Variants in PPP1R8 observed in about 807,000 individuals in gnomAD.
PPP1R8 encodes nuclear inhibitor of protein phosphatase 1.
A neutral mutation model predicts 31.3 loss-of-function variants in PPP1R8; 4 were observed. That is an observed-to-expected ratio of 0.13 (90% CI 0.06 to 0.29). The LOEUF is 0.29. Among genes scored for constraint, PPP1R8 ranks in the 10% least tolerant of loss-of-function variants. The probability of loss-of-function intolerance (pLI) is 1.00; values close to 1 mark genes in which losing one functional copy is unlikely to be tolerated. For synonymous variants in PPP1R8, 170 were observed against 169.7 expected (o/e 1.00, Z -0.01); for missense variants, 254 against 440.1 (o/e 0.58, Z 3.78).
intron 6 of PPP1R8, among the ~76,000 whole-genome samples, chr1:27,849,452 A>G (rs2089318805): frequency 6.6e-6 from 1 of 151,418 alleles, no homozygotes; most frequent in African/African-American, 2.4e-5. Context: ...TAAAATATCT[A>G]TTGCCATCTT....
At position 27,845,850 on chromosome 1, in the gene PPP1R8, C is replaced by T. The variant is rs1389143790; in HGVS notation, c.638-1178C>T. Among the ~76,000 whole-genome samples, 3 of 129,952 alleles carry T rather than the reference C, an allele frequency of 2.3e-5. No individual in the cohort carries two copies. The East Asian group carries it at 7.5e-4, about 32-fold the overall frequency. The allele number at this position is 129,952 out of a possible 152,430, so 85.3% of individuals were successfully genotyped here. On this transcript the variant is annotated intron_variant, in intron 5 of 6. Transcript: ENST00000311772. ...TGTCGCCCAGGCTGGAGTGCAGTGG[C>T]GTGATCTCGGCTCACTGCAAGCTCC...
intron 4 of PPP1R8, among the ~76,000 whole-genome samples, chr1:27,842,754 A>T: frequency 6.6e-6 from 1 of 152,206 alleles, no homozygotes; most frequent in East Asian, 1.9e-4. Context: ...GGAAGCAGCC[A>T]GTTGTCCTTT....
At chr1:27,836,738 A>C (rs1214941424) in intron 2 of PPP1R8, among the ~76,000 whole-genome samples, 2 of 152,114 alleles carry the variant, frequency 1.3e-5, no homozygotes, top group Non-Finnish European at 2.9e-5. Context: ...TTATAAAGCT[A>C]AATTTAGCTC....
chr1:27,844,158 A>G (rs2089250054), intron 5 of PPP1R8, among the ~76,000 whole-genome samples: 1 of 151,902 alleles, frequency 6.6e-6, no homozygotes, highest in African/African-American at 2.4e-5. Flanking sequence ...GCACGTCACC[A>G]CGCTCAGCTA....
chr1:27,836,645 C>G (rs1046339045), intron 2 of PPP1R8, among the ~76,000 whole-genome samples: 8 of 152,128 alleles, frequency 5.3e-5, no homozygotes, highest in Non-Finnish European at 1.0e-4. Context: ...GTTTTGATCT[C>G]CTGACCTTGT....
chr1:27,837,610 C>T (rs1045087020), intron 2 of PPP1R8, among the ~76,000 whole-genome samples: 17 of 150,080 alleles, frequency 1.1e-4, no homozygotes, highest in Non-Finnish European at 2.5e-4. Flanking sequence ...GAAACCCCTA[C>T]TAAAAATACA....
In PPP1R8 at chr1:27,851,291, C is replaced by CT. The variant is rs1557434745; in HGVS notation, c.*846dup. On this transcript the variant is annotated 3_prime_UTR_variant, in exon 7 of 7. Coordinates refer to ENST00000311772, the MANE Select transcript of PPP1R8 (RefSeq NM_014110.5). ...ATTTGTTTGGAAGTAACTGGTGTCT[C>CT]TAAGAGGAATTTTTAGATGTCAGTT... 1 of 319,902 alleles carries CT rather than the reference C, an allele frequency of 3.1e-6. No homozygotes were observed. The highest frequency in any genetic ancestry group is 6.2e-6 in the Non-Finnish European group (1 of 160,684). 19.8% of individuals were successfully genotyped at this position (319,902 alleles called of 1,614,324 possible).
chr1:27,833,798 G>T (rs2089135381), intron 2 of PPP1R8, among the ~76,000 whole-genome samples: 1 of 152,124 alleles, frequency 6.6e-6, no homozygotes, highest in African/African-American at 2.4e-5. Flanking sequence ...TCTTTTGAAG[G>T]TTACTCTGTA....
intron 5 of PPP1R8, among the ~76,000 whole-genome samples, chr1:27,843,624 C>T (rs1309406428): frequency 6.6e-6 from 1 of 151,652 alleles, no homozygotes; most frequent in Non-Finnish European, 1.5e-5. Context: ...TGTGCCATTG[C>T]ACTCCTGCCT....
Position 27,850,348 on chromosome 1 carries a change from G to T in PPP1R8, c.958G>T (p.Ala320Ser). 6.2e-7 allele frequency: 1 copy of T among 1,614,160 alleles called. No homozygotes were observed. Among genetic ancestry groups the T allele is most frequent in the South Asian group, 1.1e-5 (1 of 91,082 alleles). The change falls in exon 7 of 7, where the codon GCA becomes TCA. Residue 320 changes from alanine (A) to serine (S), a missense_variant. By Grantham distance (99) the Ala-to-Ser change is moderately conservative. Coordinates refer to ENST00000311772, the MANE Select transcript of PPP1R8 (RefSeq NM_014110.5). ...AVNMNPAPNP[A>S]VYNPEAVNEP... ...GAACATGAACCCTGCACCAAACCCTGCAGTCTATAACCCTGAAGCTGTAAA... is the reference window on the plus strand; with the variant it reads ...GAACATGAACCCTGCACCAAACCCTTCAGTCTATAACCCTGAAGCTGTAAA...
chr1:27,847,139 T>C (rs769312456), intron 6 of PPP1R8, 47 bp downstream of exon 6: 1 of 1,577,546 alleles, frequency 6.3e-7, no homozygotes, highest in Non-Finnish European at 8.7e-7. Flanking sequence ...TAAAACCTGC[T>C]CTTTAGGCCA....
chr1:27,849,796 T>G (rs1217341390), intron 6 of PPP1R8, among the ~76,000 whole-genome samples: 1 of 151,788 alleles, frequency 6.6e-6, no homozygotes, highest in African/African-American at 2.4e-5. Context: ...TAAATTAAAT[T>G]GATATGTTTT....
chr1:27,837,355 C>T (rs1181006189), intron 2 of PPP1R8, among the ~76,000 whole-genome samples: 11 of 150,276 alleles, frequency 7.3e-5, no homozygotes, highest in South Asian at 2.1e-4. Context: ...GGTGTGAACC[C>T]GGGAGGCAGA....
At chr1:27,843,358 T>C (rs763594534) in intron 5 of PPP1R8, 28 bp downstream of exon 5, 1 of 1,613,904 alleles carries the variant, frequency 6.2e-7, no homozygotes, top group South Asian at 1.1e-5. Context: ...TTTATTCTGA[T>C]GAAAAAGCTG....
chr1:27,834,239 C>T (rs556010691), intron 2 of PPP1R8, among the ~76,000 whole-genome samples: 4 of 152,318 alleles, frequency 2.6e-5, no homozygotes, highest in East Asian at 3.9e-4. Context: ...ACTTGCCAGA[C>T]ACTCCTCTGA....
At chr1:27,849,558 A>G (rs1408849320) in intron 6 of PPP1R8, among the ~76,000 whole-genome samples, 1 of 152,012 alleles carries the variant, frequency 6.6e-6, no homozygotes, top group Non-Finnish European at 1.5e-5. Context: ...GTGCAGTGGC[A>G]CCATCTCAGC....
intron 1 of PPP1R8, 30 bp downstream of exon 1, chr1:27,830,921 G>T: frequency 6.5e-7 from 1 of 1,540,804 alleles, no homozygotes; most frequent in Non-Finnish European, 8.7e-7. Flanking sequence ...GGGCTAGAGT[G>T]GCCCGGCCGG....
At position 27,841,173 on chromosome 1, in the gene PPP1R8, G is replaced by A. The variant is rs1230808814; in HGVS notation, c.431G>A (p.Gly144Asp). The change falls in exon 4 of 7, where the codon GGT (glycine) becomes GAT (aspartate). Residue 144 changes from glycine to aspartate, a missense_variant. Around this residue, in one of 6 missense-constraint regions of PPP1R8, gnomAD observed 27 missense variants for 26.7 expected, o/e 1.01. Transcript: ENST00000311772. ...PSAVKGDEKM[G>D]GEDDELKGLL... is the part of the protein sequence containing the mutation. ...GCTGTGAAAGGAGATGAGAAGATGG[G>A]TGGAGAGGATGATGAACTCAAGGGC... is the stretch of plus-strand genomic sequence containing the variant. 2.5e-6 allele frequency: 4 copies of A among 1,614,108 alleles called. No individual in the cohort carries two copies. The highest frequency in any genetic ancestry group is 1.7e-5 in the Admixed American group (1 of 60,008).
At chr1:27,842,055 C>CTT (rs1180020452) in intron 4 of PPP1R8, among the ~76,000 whole-genome samples, 3 of 152,068 alleles carry the variant, frequency 2.0e-5, no homozygotes, top group African/African-American at 7.3e-5. Flanking sequence ...AATTGTACAA[C>CTT]TTAGGCCGGG....
Sources: allele counts gnomAD v4.1 joint callset (sites outside exome capture counted in the v4.1 genomes callset), GRCh38; gene constraint gnomAD v4.1.1; regional missense constraint gnomAD v4.1.1; transcripts MANE v1.5; gene names NCBI Gene and HGNC (gene_info 2026-07-23, HGNC 2026-07-21).